TMEM266: variants seen among roughly 807,000 people sequenced by gnomAD.
TMEM266 encodes transmembrane protein 266.
A neutral mutation model predicts 50.5 loss-of-function variants in TMEM266; 33 were observed. The ratio of observed to expected loss-of-function variants is 0.65; its 90% CI spans 0.50 to 0.87. The LOEUF is 0.87. Among genes scored for constraint, TMEM266 ranks in the 40% least tolerant of loss-of-function variants. TMEM266 has a pLI of 0.00. For synonymous variants in TMEM266, 310 were observed against 292.3 expected, an observed-to-expected ratio of 1.06 and a Z score of -0.62; for missense variants, 655 against 695.1, an observed-to-expected ratio of 0.94 and a Z score of 0.65.
chr15:76,191,756 A>T, intron 8 of TMEM266: 1 of 495,894 alleles, frequency 2.0e-6, no homozygotes, highest in Non-Finnish European at 3.5e-6. Context: ...CCTGAGACGC[A>T]GGATCGCACA....
rs910641025 is a variant in TMEM266, at chr15:76,161,978, A to G, written c.456+1810A>G. Among the ~76,000 whole-genome samples, 1 of 152,228 alleles carries G rather than the reference A, an allele frequency of 6.6e-6. No individual in the cohort carries two copies. The highest frequency in any genetic ancestry group is 1.5e-5 in the Non-Finnish European group (1 of 68,044). On this transcript the variant is annotated intron_variant, in intron 5 of 10. Coordinates refer to ENST00000388942, the MANE Select transcript of TMEM266 (RefSeq NM_152335.3). The surrounding 1 kb of genome is among the most constrained non-coding windows in gnomAD (Gnocchi z 4.1). ...CTGCTTTAGTTTTATTGGCTTTTGCAGAATTTATTGCCCAGCGTTAATTTG... is the reference window on the plus strand; with the variant it reads ...CTGCTTTAGTTTTATTGGCTTTTGCGGAATTTATTGCCCAGCGTTAATTTG...
chr15:76,096,570 A>G (rs900032557), intron 1 of TMEM266, among the ~76,000 whole-genome samples: 1 of 152,026 alleles, frequency 6.6e-6, no homozygotes, highest in Non-Finnish European at 1.5e-5. Context: ...TGCTGAGAAG[A>G]ATGTATATTC....
intron 3 of TMEM266, among the ~76,000 whole-genome samples, chr15:76,142,000 A>T (rs1256250308): frequency 6.6e-6 from 1 of 152,158 alleles, no homozygotes; most frequent in Non-Finnish European, 1.5e-5. Context: ...CAGTGGACAC[A>T]CCCCACACTG....
intron 1 of TMEM266, among the ~76,000 whole-genome samples, chr15:76,119,542 G>A (rs1017023897): frequency 1.3e-5 from 2 of 152,026 alleles, no homozygotes; most frequent in Non-Finnish European, 2.9e-5. Context: ...TGAGGTGGGC[G>A]GATCACTTGA....
intron 1 of TMEM266, among the ~76,000 whole-genome samples, chr15:76,116,496 C>A (rs1325282803): frequency 6.6e-6 from 1 of 152,052 alleles, no homozygotes; most frequent in Admixed American, 6.6e-5. Flanking sequence ...CCCTCTCCTC[C>A]TCTTCACTCC....
intron 7 of TMEM266, among the ~76,000 whole-genome samples, chr15:76,171,804 CTG>C (rs1281437882): frequency 6.6e-6 from 1 of 152,228 alleles, no homozygotes; most frequent in East Asian, 1.9e-4. Context: ...GTCTGGAAAG[CTG>C]TGCCCTGACC....
intron 5 of TMEM266, 116 bp from the exon 6 acceptor site, chr15:76,169,700 C>T (rs527566969): frequency 6.9e-6 from 8 of 1,161,302 alleles, no homozygotes; most frequent in Admixed American, 5.6e-5. Context: ...TAGTGGATGG[C>T]GGAGACCTTT....
chr15:76,175,614 G>C lies in TMEM266; in HGVS notation c.708G>C (p.Lys236Asn). The C allele has an allele frequency of 1.2e-6, 2 of 1,614,216 alleles. No homozygotes were observed. Among genetic ancestry groups the C allele is most frequent in the Non-Finnish European group, 1.7e-6 (2 of 1,180,026 alleles). The change falls in exon 8 of 11, where the codon AAG (lysine) becomes AAC (asparagine). Residue 236 changes from lysine to asparagine, a missense_variant. Physicochemically the swap from Lys to Asn is moderately conservative, Grantham distance 94. This residue lies in a region of TMEM266 where 455 missense variants were observed against 401.8 expected (regional missense o/e 1.13). Coordinates refer to ENST00000388942, the MANE Select transcript of TMEM266 (RefSeq NM_152335.3). ...AGATGGTTATCCAGCAGTACGAGAA[G>C]GCCAAGGTCATCCAAGACGAGCAGC...
At chr15:76,115,462 C>CCTACGCTCTCTGCTCTCTGGCT in intron 1 of TMEM266, among the ~76,000 whole-genome samples, 1 of 152,212 alleles carries the variant, frequency 6.6e-6, no homozygotes, top group Non-Finnish European at 1.5e-5. Flanking sequence ...CTGCTCTGGC[C>CCTACGCTCTCTGCTCTCTGGCT]CTACGCTCTC....
intron 1 of TMEM266, among the ~76,000 whole-genome samples, chr15:76,131,135 G>T (rs879572010): frequency 1.3e-5 from 2 of 152,202 alleles, no homozygotes; most frequent in Non-Finnish European, 2.9e-5. Flanking sequence ...CCAGCACTTT[G>T]TGAGGCTGAG....
intron 1 of TMEM266, among the ~76,000 whole-genome samples, chr15:76,119,075 T>C (rs2037296483): frequency 6.6e-6 from 1 of 152,178 alleles, no homozygotes; most frequent in Admixed American, 6.5e-5. Context: ...AGGAAAGCAC[T>C]ACACCAGAGG....
chr15:76,171,281 G>T, intron 7 of TMEM266, 150 bp downstream of exon 7: 1 of 1,139,136 alleles, frequency 8.8e-7, no homozygotes, highest in Non-Finnish European at 1.2e-6. Flanking sequence ...AGCTGTCCCT[G>T]CTCACTCGCC....
chr15:76,181,925 G>A (rs1379682449), intron 8 of TMEM266, among the ~76,000 whole-genome samples: 1 of 152,286 alleles, frequency 6.6e-6, no homozygotes, highest in East Asian at 1.9e-4. Context: ...AAAATAGTAT[G>A]ATCTGACCTG....
intron 1 of TMEM266, among the ~76,000 whole-genome samples, chr15:76,095,246 G>T (rs1293818615): frequency 6.6e-6 from 1 of 151,976 alleles, no homozygotes; most frequent in Non-Finnish European, 1.5e-5. Flanking sequence ...TATTGGCTGT[G>T]GGTTTGTCAT....
intron 3 of TMEM266, among the ~76,000 whole-genome samples, chr15:76,140,541 C>T (rs1296417850): frequency 1.3e-5 from 2 of 152,180 alleles, no homozygotes; most frequent in Non-Finnish European, 2.9e-5. Context: ...GAAGAGACCT[C>T]AGGGACCCTG....
intron 5 of TMEM266, among the ~76,000 whole-genome samples, chr15:76,165,496 A>G (rs966378802): frequency 1.3e-5 from 2 of 152,234 alleles, no homozygotes; most frequent in Admixed American, 6.5e-5. Context: ...AAGGAGGCTG[A>G]AAACCCTTCG....
At chr15:76,193,878 G>A (rs2038617870) in intron 9 of TMEM266, among the ~76,000 whole-genome samples, 1 of 152,216 alleles carries the variant, frequency 6.6e-6, no homozygotes, top group Non-Finnish European at 1.5e-5. Context: ...CCAATCTTCG[G>A]GGACGTGCTC....
intron 8 of TMEM266, among the ~76,000 whole-genome samples, chr15:76,180,456 G>A (rs1223504714): frequency 6.6e-6 from 1 of 152,028 alleles, no homozygotes; most frequent in African/African-American, 2.4e-5. Flanking sequence ...GAGGAAGACT[G>A]CAGAAGGAAA....
intron 3 of TMEM266, among the ~76,000 whole-genome samples, chr15:76,156,240 G>T (rs1325485251): frequency 1.3e-5 from 2 of 152,126 alleles, no homozygotes; most frequent in Non-Finnish European, 2.9e-5. Context: ...CACACCTGTA[G>T]CCCCAGCTAT....
Sources: allele counts gnomAD v4.1 joint callset (sites outside exome capture counted in the v4.1 genomes callset), GRCh38; gene constraint gnomAD v4.1.1; regional missense constraint gnomAD v4.1.1; non-coding constraint Gnocchi (gnomAD v3.1); transcripts MANE v1.5; gene names NCBI Gene and HGNC (gene_info 2026-07-23, HGNC 2026-07-21).